Variants in CFAP210 observed in about 807,000 individuals in gnomAD.
CFAP210 encodes the protein cilia and flagella associated protein 210, also known as cilia- and flagella- associated protein 210.
the CFAP210 span, among the ~76,000 whole-genome samples, chr2:169,680,133 A>G: frequency 0.41 from 61,955 of 151,990 alleles, 12,914 homozygotes; most frequent in Non-Finnish European, 0.44. Context: ...AGATATACTG[A>G]TAGAAAATAA....
chr2:169,667,229 C>T, the CFAP210 span, among the ~76,000 whole-genome samples: 1 of 151,644 alleles, frequency 6.6e-6, no homozygotes, highest in Non-Finnish European at 1.5e-5. Flanking sequence ...ACCTCTGCCC[C>T]CCGGGTTCAA....
the CFAP210 span, chr2:169,654,003 C>A: frequency 6.4e-6 from 9 of 1,406,752 alleles, no homozygotes; most frequent in Non-Finnish European, 7.6e-6. Context: ...TTCCTAAAGA[C>A]TACTGTCATA....
At chr2:169,647,879 G>A in the CFAP210 span, among the ~76,000 whole-genome samples, 13 of 152,186 alleles carry the variant, frequency 8.5e-5, no homozygotes, top group East Asian at 1.2e-3. Context: ...AATGGAGGCC[G>A]GGCACAGTGG....
At chr2:169,661,087 G>A in the CFAP210 span, 1 of 547,158 alleles carries the variant, frequency 1.8e-6, no homozygotes, top group Non-Finnish European at 3.7e-6. Flanking sequence ...TGGCGTACTT[G>A]TCAAGGCTCC....
the CFAP210 span, among the ~76,000 whole-genome samples, chr2:169,678,341 C>CAAAAAAAAA: frequency 2.0e-4 from 18 of 88,162 alleles, no homozygotes; most frequent in Non-Finnish European, 3.4e-4. Flanking sequence ...AACTCTGTTG[C>CAAAAAAAAA]AAAAAAAAAA....
the CFAP210 span, among the ~76,000 whole-genome samples, chr2:169,688,523 T>C: frequency 6.6e-5 from 10 of 152,232 alleles, no homozygotes; most frequent in Non-Finnish European, 1.0e-4. Context: ...ACCTCTTGAA[T>C]GCTTTGCTGC....
the CFAP210 span, among the ~76,000 whole-genome samples, chr2:169,684,531 C>T: frequency 2.6e-5 from 4 of 152,194 alleles, no homozygotes; most frequent in African/African-American, 9.6e-5. Context: ...CCATTGGAGA[C>T]ATTTCATGTG....
At chr2:169,676,131 T>C in the CFAP210 span, among the ~76,000 whole-genome samples, 4 of 152,162 alleles carry the variant, frequency 2.6e-5, no homozygotes, top group South Asian at 2.1e-4. Flanking sequence ...ATTCCCACCC[T>C]TTCCTTTCCT....
chr2:169,658,209 T>C, the CFAP210 span: 1 of 152,202 alleles, frequency 6.6e-6, no homozygotes, highest in Non-Finnish European at 1.5e-5. Context: ...ACAAAAAAGG[T>C]CAAAATGTAA....
At chr2:169,678,355 A>G in the CFAP210 span, among the ~76,000 whole-genome samples, 1 of 151,108 alleles carries the variant, frequency 6.6e-6, no homozygotes, top group African/African-American at 2.4e-5. Flanking sequence ...AAAAAAAAAA[A>G]AAAAAAAAGA....
chr2:169,645,821 A>G, the CFAP210 span: 3 of 1,509,120 alleles, frequency 2.0e-6, no homozygotes, highest in East Asian at 2.3e-5. Flanking sequence ...AGTCTTCTCA[A>G]TGTTAAAAAT....
chr2:169,674,421 T>G, the CFAP210 span, among the ~76,000 whole-genome samples: 1 of 152,202 alleles, frequency 6.6e-6, no homozygotes, highest in African/African-American at 2.4e-5. Context: ...ATATACAATC[T>G]CTGGGTAAGA....
At chr2:169,686,404 G>C in the CFAP210 span, among the ~76,000 whole-genome samples, 9 of 139,366 alleles carry the variant, frequency 6.5e-5, no homozygotes, top group African/African-American at 2.4e-4. Flanking sequence ...ATTGCCATCT[G>C]TCTTAGTCCA....
the CFAP210 span, among the ~76,000 whole-genome samples, chr2:169,684,462 C>T: frequency 6.6e-6 from 1 of 152,148 alleles, no homozygotes; most frequent in Non-Finnish European, 1.5e-5. Flanking sequence ...CATTAGCAGT[C>T]CTCTCCTCCT....
the CFAP210 span, chr2:169,646,261 T>C: frequency 1.3e-5 from 14 of 1,051,670 alleles, no homozygotes; most frequent in South Asian, 2.0e-4. Context: ...CATTTGAAAA[T>C]GTAGGTATAA....
the CFAP210 span, chr2:169,650,448 C>A: frequency 3.1e-6 from 5 of 1,604,810 alleles, no homozygotes; most frequent in African/African-American, 5.4e-5. Flanking sequence ...ATAATCATAT[C>A]TTCATTGTCA....
At chr2:169,674,604 C>T in the CFAP210 span, 1 of 1,606,912 alleles carries the variant, frequency 6.2e-7, no homozygotes, top group Non-Finnish European at 8.5e-7. Flanking sequence ...GCAAGAGCCA[C>T]CCTTTCTCTG....
the CFAP210 span, among the ~76,000 whole-genome samples, chr2:169,670,347 T>A: frequency 6.6e-6 from 1 of 152,188 alleles, no homozygotes; most frequent in Non-Finnish European, 1.5e-5. Context: ...AAGACTCTTA[T>A]ACTAGTCAAA....
chr2:169,653,068 GTA>G, the CFAP210 span, among the ~76,000 whole-genome samples: 31 of 80,192 alleles, frequency 3.9e-4, 1 homozygote, highest in East Asian at 1.7e-3. Context: ...ATATATATAT[GTA>G]TGTGTGTATA....
Sources: gnomAD v4.1 joint callset for allele counts (sites outside exome capture counted in the v4.1 genomes callset) on GRCh38, gnomAD v4.1.1 for gene constraint, MANE v1.5 for transcripts, NCBI Gene and HGNC (gene_info 2026-07-23, HGNC 2026-07-21) for gene names.